Variants in NEK4 observed in about 807,000 individuals in gnomAD.
The protein encoded by NEK4 is NIMA related kinase 4, also known as serine/threonine-protein kinase Nek4.
NEK4 carries 86 observed loss-of-function variants against 98.4 expected under a neutral mutation model. That is an observed-to-expected ratio of 0.87 (90% CI 0.73 to 1.05). The LOEUF is 1.05. Ranked by LOEUF, NEK4 falls within the 50% of genes least tolerant of loss-of-function variation. The probability of loss-of-function intolerance (pLI) is 0.00; values close to 1 mark genes in which losing one functional copy is unlikely to be tolerated. For missense variants in NEK4, 898 were observed against 950.3 expected (o/e 0.94, Z 0.72); for synonymous variants, 328 against 342.2 (o/e 0.96, Z 0.46).
intron 6 of NEK4, chr3:52,753,523 A>G: frequency 2.1e-6 from 1 of 483,040 alleles, no homozygotes; most frequent in Non-Finnish European, 4.2e-6. Context: ...TGGAGTACAC[A>G]TTATGTACTC....
intron 6 of NEK4, among the ~76,000 whole-genome samples, chr3:52,757,733 T>C (rs959049406): frequency 6.6e-6 from 1 of 152,078 alleles, no homozygotes; most frequent in African/African-American, 2.4e-5. Context: ...CTATTCAGCA[T>C]TAAAAAGGAA....
intron 15 of NEK4, among the ~76,000 whole-genome samples, chr3:52,726,647 C>T (rs1265944594): frequency 1.3e-5 from 2 of 149,962 alleles, no homozygotes; most frequent in African/African-American, 4.9e-5. Flanking sequence ...GTGGCTCACA[C>T]CTGTAATCCC....
intron 4 of NEK4, 21 bp from the exon 5 acceptor site, chr3:52,763,645 G>A: frequency 6.4e-7 from 1 of 1,556,730 alleles, no homozygotes; most frequent in Middle Eastern, 2.2e-4. Flanking sequence ...AAATAATATT[G>A]TAATTATGAC....
chr3:52,733,174 T>A, intron 15 of NEK4: 1 of 202,166 alleles, frequency 4.9e-6, no homozygotes, highest in South Asian at 1.1e-4. Context: ...CATCAAGTAA[T>A]CCATACTGCA....
At chr3:52,725,243 G>A (rs907634955) in intron 15 of NEK4, among the ~76,000 whole-genome samples, 1 of 152,178 alleles carries the variant, frequency 6.6e-6, no homozygotes, top group Non-Finnish European at 1.5e-5. Context: ...CGGGCGCTGC[G>A]GCTCACGCCT....
rs1457950953 is a variant in NEK4, at chr3:52,710,518, T to C, written c.*1259A>G. On this transcript the variant is annotated 3_prime_UTR_variant, in exon 16 of 16. Coordinates refer to ENST00000233027, the MANE Select transcript of NEK4 (RefSeq NM_003157.6). ...GCTCATTCCTGTAATCCTGGCACTT[T>C]GGGAGGCTGAGGTGAGTGGATTGCT... The C allele has an allele frequency of 6.6e-6, 1 of 152,154 alleles. No homozygotes were observed. The highest frequency in any genetic ancestry group is 2.4e-5 in the African/African-American group (1 of 41,422). The allele number at this position is 152,154 out of a possible 1,614,324, so 9.4% of individuals were successfully genotyped here. A position where few individuals can be genotyped will look rare whatever the true frequency, so the allele number is the denominator to read the frequency against.
chr3:52,732,706 G>A lies in NEK4; in HGVS notation c.2433+4880C>T, dbSNP rs2097371089. On this transcript the variant is annotated intron_variant, in intron 15 of 15. Transcript: ENST00000233027. The stretch of plus-strand genomic sequence containing the variant: ...GATGTAGGAGAACTACAGGAACCTG[G>A]TCTTTCTGGGAATCTGTCTTCCTGA... 3 of 304,668 alleles carry A rather than the reference G, an allele frequency of 9.8e-6. No individual in the cohort carries two copies. In the Admixed American group the frequency reaches 1.1e-4, roughly 11 times the overall value. 18.9% of individuals were successfully genotyped at this position (304,668 alleles called of 1,614,324 possible).
intron 15 of NEK4, among the ~76,000 whole-genome samples, chr3:52,723,308 G>A (rs1455236737): frequency 1.3e-5 from 2 of 152,148 alleles, no homozygotes; most frequent in African/African-American, 4.8e-5. Flanking sequence ...CACCCAGGCT[G>A]AAGGGCAGTA....
intron 6 of NEK4, among the ~76,000 whole-genome samples, chr3:52,759,833 T>C (rs1698292694): frequency 6.6e-6 from 1 of 152,230 alleles, no homozygotes. Flanking sequence ...AAAACCCAGA[T>C]GTCTACTAAT....
chr3:52,754,196 T>G (rs1005686503), intron 6 of NEK4: 1 of 289,096 alleles, frequency 3.5e-6, no homozygotes, highest in African/African-American at 2.2e-5. Flanking sequence ...GTTTGCAGTT[T>G]ACATCCATCC....
Position 52,760,849 on chromosome 3 carries a change from A to G in NEK4, c.909T>C (p.His303=). The change falls in exon 6 of 16, where the codon CAT becomes CAC. Residue 303 remains histidine (H), a synonymous_variant. Transcript: ENST00000233027. The stretch of plus-strand genomic sequence containing the variant: ...AGAGTGGTTGGGGGTGGATTACTTC[A>G]TGATTTGATTCTGCCTCTCCAGAAA... ...TVVSGEAESN[H]EVIHPQPLSS... The G allele has an allele frequency of 6.2e-7, 1 of 1,609,908 alleles. No individual in the cohort carries two copies. The highest frequency in any genetic ancestry group is 1.1e-5 in the South Asian group (1 of 90,892).
Position 52,770,872 on chromosome 3 carries a change from G to T in NEK4, c.-126C>A, listed in dbSNP as rs1184819236. On this transcript the variant is annotated 5_prime_UTR_variant, in exon 1 of 16. Transcript: ENST00000233027. ...GGCGGCTGTTGAGGCAGCCGGGCCC[G>T]GGCGGGATTGCTGGGGCCCGGCCCG... is the stretch of plus-strand genomic sequence containing the variant. 6 of 808,576 alleles carry T rather than the reference G, an allele frequency of 7.4e-6. No homozygotes were observed. The highest frequency in any genetic ancestry group is 9.9e-6 in the Non-Finnish European group (5 of 503,638). 50.1% of individuals were successfully genotyped at this position (808,576 alleles called of 1,614,324 possible).
intron 11 of NEK4, 59 bp from the exon 12 acceptor site, chr3:52,743,520 C>T: frequency 7.4e-7 from 1 of 1,342,354 alleles, no homozygotes; most frequent in East Asian, 2.3e-5. Flanking sequence ...TTGAAAAGGG[C>T]TTTGTATTTG....
rs554482248 is a variant in NEK4 at position 52,708,747 on chromosome 3, GAAA to G, written c.*3027_*3029del. On this transcript the variant is annotated 3_prime_UTR_variant, in exon 16 of 16. Coordinates refer to ENST00000233027, the MANE Select transcript of NEK4 (RefSeq NM_003157.6). ...TAACGGATCATGTACAAAGCAACAG[GAAA>G]AAAAAAACTGCAAGCAGTAAAGGTT... The G allele has an allele frequency of 6.7e-6, 1 of 148,538 alleles. No individual in the cohort carries two copies. The highest frequency in any genetic ancestry group is 6.7e-5 in the Admixed American group (1 of 14,870). 9.2% of individuals were successfully genotyped at this position (148,538 alleles called of 1,614,324 possible).
At chr3:52,726,996 CAG>C (rs2154102548) in intron 15 of NEK4, among the ~76,000 whole-genome samples, 1 of 124,556 alleles carries the variant, frequency 8.0e-6, no homozygotes, top group Non-Finnish European at 1.6e-5. Flanking sequence ...TTTCCTGAGA[CAG>C]AGTTTCACTC....
chr3:52,760,988 G>A (rs1698335855), intron 5 of NEK4, 52 bp from the exon 6 acceptor site: 2 of 1,225,920 alleles, frequency 1.6e-6, no homozygotes, highest in Non-Finnish European at 2.3e-6. Context: ...AAGATTAAGG[G>A]TTTTTAGGTA....
intron 15 of NEK4, among the ~76,000 whole-genome samples, chr3:52,714,733 G>T (rs1195191853): frequency 6.6e-6 from 1 of 152,226 alleles, no homozygotes; most frequent in Admixed American, 6.5e-5. Context: ...AGCCAGGCCC[G>T]AGCGGCCCCA....
intron 15 of NEK4, chr3:52,733,459 G>C (rs1346443814): frequency 2.4e-6 from 1 of 416,032 alleles, no homozygotes; most frequent in African/African-American, 2.1e-5. Flanking sequence ...AATGTAATGA[G>C]TGTACAAGAA....
At chr3:52,743,678 C>A (rs1186835509) in intron 11 of NEK4, among the ~76,000 whole-genome samples, 2 of 152,170 alleles carry the variant, frequency 1.3e-5, no homozygotes, top group East Asian at 3.8e-4. Context: ...CTCCTCAGAG[C>A]CTCTGTTTCC....
Sources: allele counts gnomAD v4.1 joint callset (sites outside exome capture counted in the v4.1 genomes callset), GRCh38; gene constraint gnomAD v4.1.1; transcripts MANE v1.5; gene names NCBI Gene and HGNC (gene_info 2026-07-23, HGNC 2026-07-21).